The following MAP2K5 variants were observed in gnomAD, a reference collection of about 807,000 sequenced individuals.
MAP2K5 encodes the protein dual specificity mitogen-activated protein kinase kinase 5.
Under a neutral mutation model 83.1 loss-of-function variants are expected in MAP2K5, and 49 were observed. The observed-to-expected ratio is 0.59, with a 90% CI of 0.47 to 0.75. The LOEUF is 0.75. Among genes scored for constraint, MAP2K5 ranks in the 30% least tolerant of loss-of-function variants. MAP2K5 has a pLI of 0.00. For missense variants in MAP2K5, 457 were observed against 557.5 expected, an observed-to-expected ratio of 0.82 and a Z score of 1.82; for synonymous variants, 202 against 191.8, an observed-to-expected ratio of 1.05 and a Z score of -0.44.
intron 17 of MAP2K5, among the ~76,000 whole-genome samples, chr15:67,744,375 A>G (rs1480638566): frequency 6.6e-6 from 1 of 152,254 alleles, no homozygotes; most frequent in Non-Finnish European, 1.5e-5. Flanking sequence ...TTAATTTTAT[A>G]TTTCTTCTTT....
intron 11 of MAP2K5, among the ~76,000 whole-genome samples, chr15:67,655,993 A>G (rs1452724153): frequency 1.3e-5 from 2 of 152,170 alleles, no homozygotes; most frequent in African/African-American, 4.8e-5. Context: ...TGTCTCAAAT[A>G]TGCTGTTGAT....
In MAP2K5 at chr15:67,769,664, G is replaced by C. The variant is rs2090104727; in HGVS notation, c.1196+1G>C. 6.2e-7 allele frequency: 1 copy of C among 1,613,350 alleles called. No homozygotes were observed. The highest frequency in any genetic ancestry group is 1.3e-5 in the African/African-American group (1 of 74,846). On this transcript the variant is annotated splice_donor_variant, in intron 20 of 21. Coordinates refer to ENST00000178640, the MANE Select transcript of MAP2K5 (RefSeq NM_145160.3). LOFTEE classifies it high-confidence loss of function. This position sits in a 1 kb window ranked among gnomAD's most constrained non-coding sequence, Gnocchi z 5.2. ...CATTTGTACATTTCATCACTCAGTG[G>C]TGAGCCCGTTTACAAACATGCCATG...
At position 67,636,041 on chromosome 15, in the gene MAP2K5, C is replaced by G. The variant is rs1204727893; in HGVS notation, c.585+5114C>G. ...CTTGTCTTGAATTCATGGGCTCAAG[C>G]AATCCACCCGCCTCCACCTATCAAA... On this transcript the variant is annotated intron_variant, in intron 9 of 21. Transcript: ENST00000178640. This position sits in a 1 kb window ranked among gnomAD's most constrained non-coding sequence, Gnocchi z 4.7. 6.6e-6 allele frequency among the ~76,000 whole-genome samples: 1 copy of G among 152,128 alleles called. No individual in the cohort carries two copies. The highest frequency in any genetic ancestry group is 6.5e-5 in the Admixed American group (1 of 15,278).
chr15:67,615,418 T>A (rs1372611515), intron 8 of MAP2K5, among the ~76,000 whole-genome samples: 2 of 152,194 alleles, frequency 1.3e-5, no homozygotes, highest in Non-Finnish European at 2.9e-5. Context: ...AAAAGCTTCT[T>A]TTTACAACTG....
At chr15:67,566,403 T>A (rs1443016630) in intron 3 of MAP2K5, among the ~76,000 whole-genome samples, 1 of 152,132 alleles carries the variant, frequency 6.6e-6, no homozygotes, top group Admixed American at 6.5e-5. Context: ...CTCGAACTCC[T>A]GATCTCAAGT....
At chr15:67,739,462 A>T (rs998936923) in intron 17 of MAP2K5, among the ~76,000 whole-genome samples, 6 of 27,088 alleles carry the variant, frequency 2.2e-4, no homozygotes, top group South Asian at 2.2e-3. Flanking sequence ...ATATATATAT[A>T]TTTTTTTTTT....
At chr15:67,789,057 T>C (rs77612763) in intron 21 of MAP2K5, among the ~76,000 whole-genome samples, 13,539 of 152,134 alleles carry the variant, frequency 0.089, 728 homozygotes, top group Admixed American at 0.1. Context: ...CTTCCAGCCC[T>C]AATCTCTAGA....
At chr15:67,795,585 A>C (rs985547290) in intron 21 of MAP2K5, among the ~76,000 whole-genome samples, 1 of 152,212 alleles carries the variant, frequency 6.6e-6, no homozygotes, top group African/African-American at 2.4e-5. Context: ...AGAGCATGCT[A>C]TGTATAACAT....
chr15:67,709,851 A>G (rs895439046), intron 16 of MAP2K5, among the ~76,000 whole-genome samples: 3 of 152,244 alleles, frequency 2.0e-5, no homozygotes, highest in Non-Finnish European at 4.4e-5. Context: ...ATTTAGGATG[A>G]TGCATCTACA....
Position 67,779,715 on chromosome 15 carries a change from C to T in MAP2K5, c.1242+6963C>T, listed in dbSNP as rs755579725. Among the ~76,000 whole-genome samples the T allele has an allele frequency of 7.9e-5, 12 of 152,120 alleles. No individual in the cohort carries two copies. Among genetic ancestry groups the T allele is most frequent in the African/African-American group, 1.2e-4 (5 of 41,410 alleles). On this transcript the variant is annotated intron_variant, in intron 21 of 21. Transcript: ENST00000178640. This position sits in a 1 kb window ranked among gnomAD's most constrained non-coding sequence, Gnocchi z 4.6. ...GAACTCATGTCTCTAATGCCTCTTT[C>T]GTGTTTTATTGGACTGTCATCTTCC...
In MAP2K5 at chr15:67,785,795, G is replaced by A. The variant is rs540870702; in HGVS notation, c.1242+13043G>A. 6.6e-6 allele frequency among the ~76,000 whole-genome samples: 1 copy of A among 152,296 alleles called. No individual in the cohort carries two copies. The highest frequency in any genetic ancestry group is 2.1e-4 in the South Asian group (1 of 4,820). On this transcript the variant is annotated intron_variant, in intron 21 of 21. Coordinates refer to ENST00000178640, the MANE Select transcript of MAP2K5 (RefSeq NM_145160.3). The surrounding 1 kb of genome is among the most constrained non-coding windows in gnomAD (Gnocchi z 4.4). The stretch of plus-strand genomic sequence containing the variant: ...GAGAGGCTAAGGATGGTCTTTCAAA[G>A]CTTGCAAATCAGTCTATCGTGTGAA...
At chr15:67,712,042 C>T (rs1264987818) in intron 16 of MAP2K5, among the ~76,000 whole-genome samples, 1 of 152,176 alleles carries the variant, frequency 6.6e-6, no homozygotes, top group Non-Finnish European at 1.5e-5. Flanking sequence ...TCTAACAAAA[C>T]TGAGTGGAGC....
chr15:67,727,714 G>A (rs1179059192), intron 16 of MAP2K5, among the ~76,000 whole-genome samples: 1 of 152,120 alleles, frequency 6.6e-6, no homozygotes, highest in Non-Finnish European at 1.5e-5. Flanking sequence ...ATTTTATCAG[G>A]GGTGCAACAT....
intron 2 of MAP2K5, among the ~76,000 whole-genome samples, chr15:67,557,379 C>T (rs1445069858): frequency 6.6e-6 from 1 of 152,228 alleles, no homozygotes; most frequent in Non-Finnish European, 1.5e-5. Flanking sequence ...TTTTCTATTA[C>T]ACTCATGTAT....
chr15:67,624,130 G>A (rs1454904422), intron 8 of MAP2K5, among the ~76,000 whole-genome samples: 1 of 151,244 alleles, frequency 6.6e-6, no homozygotes, highest in Non-Finnish European at 1.5e-5. Flanking sequence ...ACAAGGTCAG[G>A]AGATCGAGAC....
intron 8 of MAP2K5, among the ~76,000 whole-genome samples, chr15:67,615,740 G>A (rs2086040681): frequency 6.6e-6 from 1 of 152,032 alleles, no homozygotes; most frequent in African/African-American, 2.4e-5. Context: ...AACCACAGCT[G>A]GTTTACATTT....
At chr15:67,669,786 A>G (rs2087482088) in intron 13 of MAP2K5, among the ~76,000 whole-genome samples, 1 of 17,308 alleles carries the variant, frequency 5.8e-5, no homozygotes, top group Non-Finnish European at 1.5e-4. Context: ...CCCTGAAAAG[A>G]GATAACAACA....
At chr15:67,765,312 T>G (rs1375401855) in intron 19 of MAP2K5, among the ~76,000 whole-genome samples, 3 of 152,190 alleles carry the variant, frequency 2.0e-5, no homozygotes, top group African/African-American at 7.2e-5. Context: ...TGAGCCAAGA[T>G]CGTGCCACTG....
At position 67,637,094 on chromosome 15, in the gene MAP2K5, G is replaced by A. The variant is rs1270685853; in HGVS notation, c.585+6167G>A. 6.6e-6 allele frequency among the ~76,000 whole-genome samples: 1 copy of A among 152,114 alleles called. No individual in the cohort carries two copies. Among genetic ancestry groups the A allele is most frequent in the East Asian group, 1.9e-4 (1 of 5,184 alleles). ...GACCTACACCAGTGATTTGCCGGGG[G>A]CTTTCAGGCCTTCAGCTACAGACTG... On this transcript the variant is annotated intron_variant, in intron 9 of 21. Coordinates refer to ENST00000178640, the MANE Select transcript of MAP2K5 (RefSeq NM_145160.3). The surrounding 1 kb of genome is among the most constrained non-coding windows in gnomAD (Gnocchi z 4.5).
Sources: gnomAD v4.1 joint callset for allele counts (sites outside exome capture counted in the v4.1 genomes callset) on GRCh38, gnomAD v4.1.1 for gene constraint, Gnocchi (gnomAD v3.1) non-coding constraint, MANE v1.5 for transcripts, NCBI Gene and HGNC (gene_info 2026-07-23, HGNC 2026-07-21) for gene names.